Variants in DMD observed in about 807,000 individuals in gnomAD.
DMD encodes mutant dystrophin.
Under a neutral mutation model 330.1 loss-of-function variants are expected in DMD, and 63 were observed. The observed-to-expected ratio is 0.19, with a 90% confidence interval of 0.16 to 0.24. The LOEUF is 0.24. Ranked by LOEUF, DMD falls within the 10% of genes least tolerant of loss-of-function variation. DMD has a pLI of 1.00. For missense variants in DMD, 3,344 were observed against 2,684.1 expected, an observed-to-expected ratio of 1.25 and a Z score of -5.43; for synonymous variants, 1,223 against 959.8, an observed-to-expected ratio of 1.27 and a Z score of -5.07.
chrX:31,429,121 C>CA (rs35774193), intron 60 of DMD, among the ~76,000 whole-genome samples: 11,389 of 81,286 alleles, frequency 0.14, 1,708 homozygotes, highest in African/African-American at 0.42. Flanking sequence ...GACTCCATCT[C>CA]AAAAAAAAAA....
At chrX:33,092,637 C>A (rs897064186) in intron 1 of DMD, among the ~76,000 whole-genome samples, 2 of 111,043 alleles carry the variant, frequency 1.8e-5, no homozygotes, top group African/African-American at 3.3e-5. Context: ...AAGCAACTGA[C>A]CTCTTTTGCT....
intron 1 of DMD, among the ~76,000 whole-genome samples, chrX:33,281,695 T>C (rs1603427989): frequency 9.0e-6 from 1 of 110,671 alleles, no homozygotes; most frequent in Non-Finnish European, 1.9e-5. Context: ...CTTATTTCAA[T>C]CTTTTATTTT....
At chrX:31,501,257 CTTCTAA>C (rs1308738004) in intron 56 of DMD, among the ~76,000 whole-genome samples, 7 of 112,351 alleles carry the variant, frequency 6.2e-5, no homozygotes, top group Non-Finnish European at 1.1e-4. Flanking sequence ...GCTTTCTGAA[CTTCTAA>C]TTCTGAGTAC....
intron 53 of DMD, 91 bp from the exon 54 acceptor site, chrX:31,658,235 T>C: frequency 1.0e-6 from 1 of 985,459 alleles, no homozygotes. Flanking sequence ...AAACAGCTTC[T>C]GAATCCTCAG....
At chrX:31,428,143 G>A (rs2063816698) in intron 60 of DMD, among the ~76,000 whole-genome samples, 1 of 111,920 alleles carries the variant, frequency 8.9e-6, no homozygotes, top group Non-Finnish European at 1.9e-5. Flanking sequence ...CAAATCTCAT[G>A]CTGAAATGTA....
intron 16 of DMD, among the ~76,000 whole-genome samples, chrX:32,547,796 C>A (rs1344586636): frequency 9.0e-6 from 1 of 111,285 alleles, no homozygotes; most frequent in Non-Finnish European, 1.9e-5. Context: ...AAACAGAAAG[C>A]TCCTTTCTTA....
intron 1 of DMD, among the ~76,000 whole-genome samples, chrX:33,226,933 G>T (rs1465113186): frequency 9.1e-6 from 1 of 109,437 alleles, no homozygotes; most frequent in Admixed American, 1.0e-4. Context: ...AGATTAGGTG[G>T]CATCAATGTC....
chrX:32,924,365 G>C (rs192060091), intron 2 of DMD, among the ~76,000 whole-genome samples: 1 of 110,135 alleles, frequency 9.1e-6, no homozygotes, highest in African/African-American at 3.3e-5. Context: ...CTGTCTCCAC[G>C]AAAAATAAAA....
At chrX:31,489,065 T>G (rs1387531379) in intron 57 of DMD, among the ~76,000 whole-genome samples, 1 of 112,411 alleles carries the variant, frequency 8.9e-6, no homozygotes, top group Non-Finnish European at 1.9e-5. Flanking sequence ...CCATTGGGCT[T>G]TTGAATTTGG....
chrX:32,679,201 T>A (rs900389956), intron 9 of DMD, among the ~76,000 whole-genome samples: 3 of 112,229 alleles, frequency 2.7e-5, no homozygotes, highest in African/African-American at 9.7e-5. Flanking sequence ...TACAGTTATA[T>A]GTTTTGCTTC....
intron 2 of DMD, among the ~76,000 whole-genome samples, chrX:32,998,608 TATATATAC>T (rs200762878): frequency 0.036 from 3,799 of 105,733 alleles, 121 homozygotes; most frequent in East Asian, 0.21. Context: ...TATTTATATA[TATATATAC>T]ACACACACAC....
intron 55 of DMD, among the ~76,000 whole-genome samples, chrX:31,565,457 T>C (rs1003716529): frequency 7.1e-5 from 8 of 112,476 alleles, no homozygotes. Context: ...CTAAAAGTTG[T>C]TGCATGTATA....
chrX:31,928,407 C>T (rs946297263), intron 47 of DMD, among the ~76,000 whole-genome samples: 2 of 111,071 alleles, frequency 1.8e-5, no homozygotes, highest in Non-Finnish European at 3.8e-5. Flanking sequence ...GAGTTTGAGA[C>T]CAGCCTGGCC....
intron 43 of DMD, among the ~76,000 whole-genome samples, chrX:32,253,267 C>T (rs186525845): frequency 6.4e-5 from 7 of 110,170 alleles, no homozygotes; most frequent in Non-Finnish European, 1.3e-4. Flanking sequence ...TTAACCCTAT[C>T]GACACTAAGA....
chrX:31,966,648 A>G (rs1476192886), intron 45 of DMD, among the ~76,000 whole-genome samples: 1 of 111,259 alleles, frequency 9.0e-6, no homozygotes, highest in Non-Finnish European at 1.9e-5. Flanking sequence ...TAAAATTTGT[A>G]TACTATTTCA....
intron 60 of DMD, among the ~76,000 whole-genome samples, chrX:31,386,644 G>T (rs1490169405): frequency 8.9e-6 from 1 of 112,053 alleles, no homozygotes; most frequent in African/African-American, 3.2e-5. Context: ...ACAGTGCTTG[G>T]CACATAATGG....
At chrX:31,723,796 C>G (rs2085784249) in intron 52 of DMD, among the ~76,000 whole-genome samples, 1 of 111,104 alleles carries the variant, frequency 9.0e-6, no homozygotes, top group Non-Finnish European at 1.9e-5. Context: ...TATTCATGAC[C>G]AGGTCAAATT....
chrX:32,722,250 C>A (rs2066404272), intron 7 of DMD, among the ~76,000 whole-genome samples: 1 of 110,025 alleles, frequency 9.1e-6, no homozygotes, highest in Non-Finnish European at 1.9e-5. Flanking sequence ...ACGGATGCAA[C>A]TGTAGACCAG....
At chrX:33,128,215 C>A (rs1200160573) in intron 1 of DMD, 7 of 1,187,159 alleles carry the variant, frequency 5.9e-6, no homozygotes, top group Non-Finnish European at 7.9e-6. Context: ...AAGCTTTTTG[C>A]TGATTTCCCT....
Sources: gnomAD v4.1 joint callset for allele counts (sites outside exome capture counted in the v4.1 genomes callset) on GRCh38, gnomAD v4.1.1 for gene constraint, MANE v1.5 for transcripts, NCBI Gene and HGNC (gene_info 2026-07-23, HGNC 2026-07-21) for gene names.